The following RAB6A variants were observed in gnomAD, a reference collection of about 807,000 sequenced individuals.
RAB6A encodes ras-related protein Rab-6A.
A neutral mutation model predicts 32.3 loss-of-function variants in RAB6A; 8 were observed. The observed-to-expected ratio is 0.25, with a 90% CI of 0.15 to 0.45. RAB6A has a LOEUF of 0.45. Ranked by LOEUF, RAB6A falls within the 20% of genes least tolerant of loss-of-function variation. The probability of loss-of-function intolerance (pLI) is 1.00; values close to 1 mark genes in which losing one functional copy is unlikely to be tolerated. For missense variants in RAB6A, 104 were observed against 249.4 expected (o/e 0.42, Z 3.93); for synonymous variants, 73 against 82.1 (o/e 0.89, Z 0.60).
chr11:73,685,690 C>G (rs1272166038), intron 6 of RAB6A, among the ~76,000 whole-genome samples: 1 of 144,952 alleles, frequency 6.9e-6, no homozygotes, highest in Non-Finnish European at 1.5e-5. Flanking sequence ...ACCAGCCGGG[C>G]CAACATGGTG....
intron 6 of RAB6A, among the ~76,000 whole-genome samples, chr11:73,680,658 G>T (rs1001618510): frequency 2.0e-5 from 3 of 152,002 alleles, no homozygotes; most frequent in Admixed American, 6.6e-5. Context: ...TCTTGGCGGG[G>T]GTGTGGGGGG....
At chr11:73,720,973 T>A in intron 2 of RAB6A, 74 bp from the exon 3 acceptor site, 1 of 1,036,684 alleles carries the variant, frequency 9.6e-7, no homozygotes, top group Non-Finnish European at 1.5e-6. Context: ...CAAATGGGAT[T>A]CATGATTGTG....
At chr11:73,744,041 C>CA (rs1364684401) in intron 1 of RAB6A, among the ~76,000 whole-genome samples, 1 of 151,924 alleles carries the variant, frequency 6.6e-6, no homozygotes, top group Non-Finnish European at 1.5e-5. Context: ...CCTATCTCTA[C>CA]AAAAAATTTT....
At chr11:73,692,917 C>A (rs984504983) in intron 6 of RAB6A, among the ~76,000 whole-genome samples, 5 of 151,738 alleles carry the variant, frequency 3.3e-5, no homozygotes, top group African/African-American at 1.2e-4. Context: ...GCCGAGATCG[C>A]GCCACTGCAC....
chr11:73,676,795 T>C lies in RAB6A; in HGVS notation c.*1103A>G, dbSNP rs1206204668. On this transcript the variant is annotated 3_prime_UTR_variant, in exon 8 of 8. Transcript: ENST00000336083. ...AATGTCCTGAGCAAAGTTTTTGTTA[T>C]TCTGCTGAGGGTTCTTTTGTTGGTA... 3 of 167,136 alleles carry C rather than the reference T, an allele frequency of 1.8e-5. No individual in the cohort carries two copies. The highest frequency in any genetic ancestry group is 4.4e-5 in the Non-Finnish European group (3 of 68,128). The allele number at this position is 167,136 out of a possible 1,614,324, so 10.4% of individuals were successfully genotyped here.
At chr11:73,721,554 G>A (rs992036102) in intron 2 of RAB6A, among the ~76,000 whole-genome samples, 1 of 151,492 alleles carries the variant, frequency 6.6e-6, no homozygotes, top group Non-Finnish European at 1.5e-5. Context: ...ATAGAAAGAA[G>A]GCAGACTACA....
chr11:73,697,369 C>T (rs1488838199), intron 6 of RAB6A, among the ~76,000 whole-genome samples: 1 of 151,808 alleles, frequency 6.6e-6, no homozygotes, highest in African/African-American at 2.4e-5. Context: ...CTCACTCTGT[C>T]TCCCAGACTG....
At chr11:73,735,021 TA>T (rs2134980900) in intron 1 of RAB6A, among the ~76,000 whole-genome samples, 2 of 152,348 alleles carry the variant, frequency 1.3e-5, no homozygotes, top group African/African-American at 4.8e-5. Flanking sequence ...CATGTATTTG[TA>T]AATCATCTCT....
At position 73,754,819 on chromosome 11, in the gene RAB6A, C is replaced by T. The variant is rs2135018751; in HGVS notation, c.70+5747G>A. Among the ~76,000 whole-genome samples the T allele has an allele frequency of 2.0e-5, 3 of 151,896 alleles. No homozygotes were observed. The South Asian group carries it at 6.2e-4, about 32-fold the overall frequency. On this transcript the variant is annotated intron_variant, in intron 1 of 7. Coordinates refer to ENST00000336083, the MANE Select transcript of RAB6A (RefSeq NM_198896.2). ...CCTGTGGTCCCAGCTATTCAGGAGGCTGAGGCATGAGAATCGCGAACCCGG... is the reference window on the plus strand; with the variant it reads ...CCTGTGGTCCCAGCTATTCAGGAGGTTGAGGCATGAGAATCGCGAACCCGG...
chr11:73,758,390 T>C (rs1946793088), intron 1 of RAB6A, among the ~76,000 whole-genome samples: 1 of 152,192 alleles, frequency 6.6e-6, no homozygotes, highest in Non-Finnish European at 1.5e-5. Flanking sequence ...GCCATACTAA[T>C]GCAAGATGTT....
At chr11:73,704,409 G>A (rs1945798762) in intron 6 of RAB6A, among the ~76,000 whole-genome samples, 2 of 151,254 alleles carry the variant, frequency 1.3e-5, no homozygotes, top group South Asian at 4.2e-4. Flanking sequence ...GAAGGGCCAG[G>A]CATGGTGGCT....
chr11:73,731,646 A>G (rs1377781818), intron 1 of RAB6A, among the ~76,000 whole-genome samples: 1 of 146,632 alleles, frequency 6.8e-6, no homozygotes, highest in Non-Finnish European at 1.5e-5. Context: ...CCAAAGATCC[A>G]TAACTTCACT....
intron 1 of RAB6A, among the ~76,000 whole-genome samples, chr11:73,744,366 C>T (rs1417341963): frequency 6.7e-6 from 1 of 149,196 alleles, no homozygotes; most frequent in African/African-American, 2.5e-5. Flanking sequence ...TTTAAATTAG[C>T]CACATGTAGT....
intron 6 of RAB6A, among the ~76,000 whole-genome samples, chr11:73,685,255 T>A (rs1664698002): frequency 6.6e-6 from 1 of 151,974 alleles, no homozygotes; most frequent in South Asian, 2.1e-4. Flanking sequence ...TTATGCAAAG[T>A]GTTTTAGTAC....
chr11:73,683,667 CTTATCCTT>C (rs1162732617), intron 6 of RAB6A, among the ~76,000 whole-genome samples: 1 of 152,182 alleles, frequency 6.6e-6, no homozygotes, highest in East Asian at 1.9e-4. Context: ...ATTCTCCTGC[CTTATCCTT>C]CCAAGTAGCT....
chr11:73,759,974 T>C (rs773982356), intron 1 of RAB6A: 34 of 1,225,394 alleles, frequency 2.8e-5, no homozygotes, highest in Non-Finnish European at 3.6e-5. Flanking sequence ...ATTCAGATGT[T>C]TCCTCTATGG....
chr11:73,755,996 G>A (rs547681854), intron 1 of RAB6A, among the ~76,000 whole-genome samples: 4 of 152,100 alleles, frequency 2.6e-5, no homozygotes, highest in African/African-American at 9.7e-5. Context: ...TCAAAAATTT[G>A]TAAGAGCAGA....
At position 73,722,343 on chromosome 11, in the gene RAB6A, A is replaced by ATTTTT. The variant is rs537309131; in HGVS notation, c.130-1449_130-1445dup. 39 of 15,338 alleles carry ATTTTT rather than the reference A, an allele frequency of 2.5e-3. 1 individual carries two copies. Among genetic ancestry groups the ATTTTT allele is most frequent in the African/African-American group, 9.9e-3 (37 of 3,742 alleles). 1.0% of individuals were successfully genotyped at this position (15,338 alleles called of 1,614,324 possible). ...TATATATATATATATATATATATAT[A>ATTTTT]TTTTTTTTTTTTTTTTTTTTTTTTG... is the stretch of plus-strand genomic sequence containing the variant. On this transcript the variant is annotated intron_variant, in intron 2 of 7. Coordinates refer to ENST00000336083, the MANE Select transcript of RAB6A (RefSeq NM_198896.2).
chr11:73,739,980 A>G (rs1590881852), intron 1 of RAB6A, among the ~76,000 whole-genome samples: 1 of 151,422 alleles, frequency 6.6e-6, no homozygotes, highest in African/African-American at 2.4e-5. Flanking sequence ...AATCGCTTGA[A>G]CCTGGGAGGC....
Sources: allele counts gnomAD v4.1 joint callset (sites outside exome capture counted in the v4.1 genomes callset), GRCh38; gene constraint gnomAD v4.1.1; transcripts MANE v1.5; gene names NCBI Gene and HGNC (gene_info 2026-07-23, HGNC 2026-07-21).